The following UBAP2 variants were observed in gnomAD, a reference collection of about 807,000 sequenced individuals.
The protein encoded by UBAP2 is ubiquitin-associated protein 2.
Under a neutral mutation model 139.6 loss-of-function variants are expected in UBAP2, and 75 were observed. The observed-to-expected ratio is 0.54, with a 90% CI of 0.45 to 0.65. The LOEUF (loss-of-function observed/expected upper bound fraction) is 0.65, where lower values mean the gene tolerates loss of function less well. Among genes scored for constraint, UBAP2 ranks in the 30% least tolerant of loss-of-function variants. UBAP2 has a pLI of 0.00. For synonymous variants in UBAP2, 526 were observed against 526.2 expected, an observed-to-expected ratio of 1.00 and a Z score of 0.01; for missense variants, 1,368 against 1,369.6, an observed-to-expected ratio of 1.00 and a Z score of 0.02.
chr9:33,953,369 G>C lies in UBAP2; in HGVS notation c.972C>G (p.Val324=), dbSNP rs765560370. 1.2e-6 allele frequency: 2 copies of C among 1,614,068 alleles called. No individual in the cohort carries two copies. Among genetic ancestry groups the C allele is most frequent in the African/African-American group, 1.3e-5 (1 of 74,930 alleles). The change falls in exon 12 of 29, where the codon GTC becomes GTG. Residue 324 remains valine, a synonymous_variant. Transcript: ENST00000379238. The part of the protein sequence containing the change: ...SQQQGFGQAL[V]FTNSQHNNQM... ...GATTGTTGTGTTGCGAATTTGTGAA[G>C]ACAAGGGCTTGGCCAAAGCCCTGCT...
At chr9:34,016,365 A>ATGGTGGTGGTGGTGGTGGTG (rs1824328096) in intron 2 of UBAP2, among the ~76,000 whole-genome samples, 2 of 10,726 alleles carry the variant, frequency 1.9e-4, no homozygotes, top group African/African-American at 3.7e-4. Flanking sequence ...CAGCGGCGGC[A>ATGGTGGTGGTGGTGGTGGTG]GCGGCGGTGG....
At chr9:33,967,845 T>C (rs544150987) in intron 8 of UBAP2, among the ~76,000 whole-genome samples, 78 of 152,338 alleles carry the variant, frequency 5.1e-4, no homozygotes, top group African/African-American at 1.7e-3. Flanking sequence ...CTCAACATCA[T>C]TGATGTCAAT....
chr9:34,017,197 A>G lies in UBAP2; in HGVS notation c.-41-8T>C, dbSNP rs753937561. The G allele has an allele frequency of 1.3e-5, 17 of 1,343,992 alleles. No homozygotes were observed. In the East Asian group the frequency reaches 4.1e-4, roughly 32 times the overall value. The allele number at this position is 1,343,992 out of a possible 1,614,324, so 83.3% of individuals were successfully genotyped here. On this transcript the variant is annotated splice_polypyrimidine_tract_variant and splice_region_variant and intron_variant, in intron 1 of 28. Transcript: ENST00000379238. ...ATGTACAAAATAGAAAATCTGCAAG[A>G]AAGTAGGGATGGTAAGCAAAACAAT...
intron 16 of UBAP2, among the ~76,000 whole-genome samples, chr9:33,936,948 A>AC (rs1824590266): frequency 6.8e-6 from 1 of 146,500 alleles, no homozygotes; most frequent in Non-Finnish European, 1.5e-5. Flanking sequence ...AAAAAAAAAA[A>AC]AAAACAGTCT....
intron 10 of UBAP2, among the ~76,000 whole-genome samples, chr9:33,956,759 T>C: frequency 6.6e-6 from 1 of 152,128 alleles, no homozygotes. Flanking sequence ...CTTCTCTATT[T>C]GTCATTACAC....
At position 33,948,451 on chromosome 9, in the gene UBAP2, C is replaced by A. The variant is rs1220615604; in HGVS notation, c.1193G>T (p.Ser398Ile). 2 of 1,614,128 alleles carry A rather than the reference C, an allele frequency of 1.2e-6. No individual in the cohort carries two copies. Among genetic ancestry groups the A allele is most frequent in the South Asian group, 2.2e-5 (2 of 91,072 alleles). ...AGTAGTAGTTGTAGGGTGACTTGTA[C>A]TATTCTGCTGTGTACTTGGGGTGGT... Reference protein sequence around the residue: ...FTTTPSTQQNSTSHPTTTTSW... With the variant: ...FTTTPSTQQNITSHPTTTTSW... Residue 398 changes from serine to isoleucine, a missense_variant, in exon 13 of 29, where the codon AGT becomes ATT. By Grantham distance (142) the Ser-to-Ile change is moderately radical (BLOSUM62 -2). Transcript: ENST00000379238.
intron 10 of UBAP2, among the ~76,000 whole-genome samples, chr9:33,959,759 C>G (rs560055652): frequency 5.3e-5 from 8 of 152,172 alleles, no homozygotes; most frequent in East Asian, 1.9e-4. Context: ...GGGCATGGAA[C>G]CAGAGCAAAC....
chr9:33,945,682 A>C (rs1825609593), intron 13 of UBAP2, among the ~76,000 whole-genome samples: 1 of 152,210 alleles, frequency 6.6e-6, no homozygotes, highest in African/African-American at 2.4e-5. Flanking sequence ...AGACATATAT[A>C]TACACACACT....
intron 6 of UBAP2, among the ~76,000 whole-genome samples, chr9:33,976,567 G>A (rs1444576521): frequency 6.6e-6 from 1 of 152,182 alleles, no homozygotes; most frequent in Admixed American, 6.6e-5. Flanking sequence ...TAAAGGGTAA[G>A]GTATACTTCT....
intron 26 of UBAP2, 50 bp from the exon 27 acceptor site, chr9:33,923,083 C>T: frequency 6.2e-7 from 1 of 1,613,362 alleles, no homozygotes; most frequent in South Asian, 1.1e-5. Flanking sequence ...CAGCTCCAGG[C>T]TCCCCACCTC....
intron 8 of UBAP2, among the ~76,000 whole-genome samples, chr9:33,967,247 T>C (rs1306416315): frequency 5.9e-5 from 9 of 152,220 alleles, no homozygotes; most frequent in Admixed American, 5.9e-4. Context: ...ATAATTTGTC[T>C]ACAGATTCTT....
rs1467723905 is a variant in UBAP2 at position 33,938,881 on chromosome 9, G to A, written c.1929+2768C>T. 6.6e-6 allele frequency: 3 copies of A among 454,794 alleles called. No homozygotes were observed. The Admixed American group carries it at 7.1e-5, about 11-fold the overall frequency. The allele number at this position is 454,794 out of a possible 1,614,324, so 28.2% of individuals were successfully genotyped here. ...TTCAGTGCCCATCTGTCAGGATATA[G>A]ACTCTAACTTATTTCTGTCAAAGCA... is the stretch of plus-strand genomic sequence containing the variant. On this transcript the variant is annotated intron_variant, in intron 16 of 28. Transcript: ENST00000379238.
intron 1 of UBAP2, among the ~76,000 whole-genome samples, chr9:34,029,668 T>C (rs1481357573): frequency 4.6e-5 from 7 of 151,628 alleles, no homozygotes; most frequent in Admixed American, 4.6e-4. Flanking sequence ...AGACCTTGTC[T>C]CTATTTAAAA....
chr9:33,966,456 GA>G (rs1456454347), intron 8 of UBAP2, among the ~76,000 whole-genome samples: 1 of 150,982 alleles, frequency 6.6e-6, no homozygotes, highest in Non-Finnish European at 1.5e-5. Flanking sequence ...ACTCCATCTC[GA>G]AAAAAAATAA....
At chr9:34,038,273 ACT>A (rs1826642197) in intron 1 of UBAP2, among the ~76,000 whole-genome samples, 1 of 151,902 alleles carries the variant, frequency 6.6e-6, no homozygotes, top group Non-Finnish European at 1.5e-5. Context: ...ACACAGTGAA[ACT>A]CTGTCTCTAT....
intron 4 of UBAP2, among the ~76,000 whole-genome samples, chr9:33,992,737 T>C (rs1275304883): frequency 6.6e-6 from 1 of 152,140 alleles, no homozygotes; most frequent in African/African-American, 2.4e-5. Context: ...AAAAGATTAC[T>C]GTGTATTTTG....
chr9:33,949,899 A>G (rs1176811714), intron 12 of UBAP2, among the ~76,000 whole-genome samples: 3 of 152,162 alleles, frequency 2.0e-5, no homozygotes, highest in Non-Finnish European at 4.4e-5. Context: ...CGTTCCATAA[A>G]TAAGTACAGG....
Position 33,922,611 on chromosome 9 carries a change from G to A in UBAP2, c.3265-12C>T, listed in dbSNP as rs755650960. On this transcript the variant is annotated splice_polypyrimidine_tract_variant and intron_variant, in intron 28 of 28. Transcript: ENST00000379238. ...TGACCCGAGCCACTCTGAGGAAGAG[G>A]AGAAGGGAAGGCTGTCAAGGCTGGA... is the stretch of plus-strand genomic sequence containing the variant. The A allele has an allele frequency of 5.6e-6, 9 of 1,611,630 alleles. No individual in the cohort carries two copies. Among genetic ancestry groups the A allele is most frequent in the South Asian group, 1.1e-5 (1 of 90,780 alleles).
chr9:33,929,999 C>T (rs10971800), intron 19 of UBAP2, among the ~76,000 whole-genome samples: 19,316 of 151,652 alleles, frequency 0.13, 1,581 homozygotes, highest in African/African-American at 0.22. Context: ...AGTAAAACTC[C>T]GTCTCAGAAA....
Sources: allele counts gnomAD v4.1 joint callset (sites outside exome capture counted in the v4.1 genomes callset), GRCh38; gene constraint gnomAD v4.1.1; transcripts MANE v1.5; gene names NCBI Gene and HGNC (gene_info 2026-07-23, HGNC 2026-07-21).